Variants in UBE3D observed in about 807,000 individuals in gnomAD.
UBE3D encodes E3 ubiquitin-protein ligase E3D.
A neutral mutation model predicts 49.6 loss-of-function variants in UBE3D; 48 were observed. The observed-to-expected ratio is 0.97, with a 90% CI of 0.77 to 1.23. The LOEUF (loss-of-function observed/expected upper bound fraction) is 1.23, where lower values mean the gene tolerates loss of function less well. UBE3D is among the 50% of genes most tolerant of loss of function. The pLI, the probability that UBE3D is intolerant of heterozygous loss-of-function variation, is 0.00. For synonymous variants in UBE3D, 189 were observed against 174.2 expected (o/e 1.08, Z -0.67); for missense variants, 452 against 468.4 (o/e 0.96, Z 0.32).
chr6:82,942,787 C>G (rs1238337324), intron 9 of UBE3D, among the ~76,000 whole-genome samples: 1 of 152,262 alleles, frequency 6.6e-6, no homozygotes, highest in Non-Finnish European at 1.5e-5. Flanking sequence ...GCCGCAGGCA[C>G]AGAGCCCTTA....
intron 9 of UBE3D, among the ~76,000 whole-genome samples, chr6:82,903,804 G>T (rs1013924943): frequency 3.9e-5 from 6 of 152,154 alleles, no homozygotes; most frequent in African/African-American, 1.2e-4. Flanking sequence ...TTTTAAAGGA[G>T]GGGTAAATAA....
intron 9 of UBE3D, among the ~76,000 whole-genome samples, chr6:82,954,622 A>G (rs1362418678): frequency 1.3e-5 from 2 of 152,180 alleles, no homozygotes; most frequent in Non-Finnish European, 2.9e-5. Flanking sequence ...TCATTCTGCT[A>G]TTTTATAGCT....
chr6:83,065,508 G>T, intron 1 of UBE3D, 134 bp downstream of exon 1: 1 of 779,518 alleles, frequency 1.3e-6, no homozygotes, highest in Non-Finnish European at 2.0e-6. Flanking sequence ...GCTTCACTTT[G>T]AGTGATCGAG....
At chr6:83,029,255 C>T (rs936703030) in intron 5 of UBE3D, among the ~76,000 whole-genome samples, 2 of 152,254 alleles carry the variant, frequency 1.3e-5, no homozygotes, top group African/African-American at 4.8e-5. Context: ...TTTGTTGGAA[C>T]ACCTGATATT....
chr6:82,917,164 T>C (rs768178570), intron 9 of UBE3D, among the ~76,000 whole-genome samples: 2 of 152,096 alleles, frequency 1.3e-5, no homozygotes, highest in Non-Finnish European at 2.9e-5. Context: ...ATTCTCATAA[T>C]GAAATTAATT....
intron 8 of UBE3D, among the ~76,000 whole-genome samples, chr6:83,014,045 G>A (rs1780528308): frequency 6.6e-6 from 1 of 152,246 alleles, no homozygotes; most frequent in Admixed American, 6.5e-5. Flanking sequence ...GGAGAAAAAG[G>A]CATTTGCCAA....
intron 7 of UBE3D, among the ~76,000 whole-genome samples, chr6:83,020,812 T>C (rs1437304192): frequency 1.3e-5 from 2 of 152,218 alleles, no homozygotes; most frequent in Non-Finnish European, 2.9e-5. Flanking sequence ...TTTTTGTTAC[T>C]ATGTTTCCCT....
At chr6:82,967,986 T>A (rs1777073483) in intron 8 of UBE3D, among the ~76,000 whole-genome samples, 2 of 152,148 alleles carry the variant, frequency 1.3e-5, no homozygotes, top group South Asian at 4.1e-4. Context: ...TGGAATATAA[T>A]CACAGTTGTT....
chr6:82,942,312 G>A (rs934262682), intron 9 of UBE3D, among the ~76,000 whole-genome samples: 7 of 152,190 alleles, frequency 4.6e-5, no homozygotes, highest in African/African-American at 1.7e-4. Flanking sequence ...TATATTTAAA[G>A]GGGAAGCAGA....
intron 9 of UBE3D, among the ~76,000 whole-genome samples, chr6:82,930,987 G>A (rs558968779): frequency 1.3e-4 from 20 of 152,252 alleles, no homozygotes; most frequent in Middle Eastern, 6.8e-3. Flanking sequence ...GGCCTAGGAG[G>A]AAAAAATGGT....
rs536398443 is a variant in UBE3D, at chr6:82,920,081, G to A, written c.1150-27039C>T. On this transcript the variant is annotated intron_variant, in intron 9 of 9. Transcript: ENST00000369747. ...AAAAAATATATATAAATCATATTAA[G>A]AAACCACTTTCATAGGAAGAAGTAT... Among the ~76,000 whole-genome samples, 21 of 152,254 alleles carry A rather than the reference G, an allele frequency of 1.4e-4. No homozygotes were observed. The South Asian group carries it at 4.3e-3, about 32-fold the overall frequency.
chr6:82,957,009 G>C (rs1468324223), intron 9 of UBE3D, among the ~76,000 whole-genome samples: 1 of 151,846 alleles, frequency 6.6e-6, no homozygotes. Context: ...TGCACCTGTA[G>C]TCCCAGCTAC....
chr6:82,948,167 A>G (rs1224789345), intron 9 of UBE3D, among the ~76,000 whole-genome samples: 3 of 151,922 alleles, frequency 2.0e-5, no homozygotes, highest in Admixed American at 2.0e-4. Flanking sequence ...AATAAATAAA[A>G]TAAATAAAAT....
At chr6:83,012,970 A>G (rs1780449495) in intron 8 of UBE3D, among the ~76,000 whole-genome samples, 1 of 152,052 alleles carries the variant, frequency 6.6e-6, no homozygotes, top group Admixed American at 6.5e-5. Context: ...TCCTCTGTCA[A>G]CTGATCATAG....
chr6:83,045,502 T>C (rs780259947), intron 3 of UBE3D, among the ~76,000 whole-genome samples: 9 of 152,278 alleles, frequency 5.9e-5, no homozygotes, highest in Non-Finnish European at 1.2e-4. Context: ...AAAAATGTGT[T>C]CTATATTAAG....
At chr6:82,911,642 C>T (rs958407668) in intron 9 of UBE3D, among the ~76,000 whole-genome samples, 1 of 152,154 alleles carries the variant, frequency 6.6e-6, no homozygotes, top group African/African-American at 2.4e-5. Flanking sequence ...CATTTAAACA[C>T]ATTGATCAGC....
intron 9 of UBE3D, among the ~76,000 whole-genome samples, chr6:82,904,737 A>G (rs1771978049): frequency 1.3e-5 from 2 of 152,192 alleles, no homozygotes; most frequent in African/African-American, 4.8e-5. Flanking sequence ...AGCATAAATG[A>G]CTAATTGTGT....
intron 3 of UBE3D, among the ~76,000 whole-genome samples, chr6:83,052,406 C>A (rs1783528023): frequency 6.6e-6 from 1 of 152,080 alleles, no homozygotes; most frequent in South Asian, 2.1e-4. Context: ...GCAAATAAAC[C>A]TTAGACGAAC....
intron 8 of UBE3D, 114 bp from the exon 9 acceptor site, chr6:82,957,564 A>G: frequency 8.3e-7 from 1 of 1,211,236 alleles, no homozygotes; most frequent in Non-Finnish European, 1.1e-6. Context: ...TACAAAAACT[A>G]GAAATAAACT....
Sources: gnomAD v4.1 joint callset for allele counts (sites outside exome capture counted in the v4.1 genomes callset) on GRCh38, gnomAD v4.1.1 for gene constraint, MANE v1.5 for transcripts, NCBI Gene and HGNC (gene_info 2026-07-23, HGNC 2026-07-21) for gene names.